Variants in NRXN3 observed in about 807,000 individuals in gnomAD.
The protein encoded by NRXN3 is neurexin 3.
In NRXN3, 32 loss-of-function variants were observed where a neutral mutation model predicts 137.6. The ratio of observed to expected loss-of-function variants is 0.23; its 90% CI spans 0.18 to 0.31. The LOEUF (loss-of-function observed/expected upper bound fraction) is 0.31. Ranked by LOEUF, NRXN3 falls within the 10% of genes least tolerant of loss-of-function variation. The pLI is 1.00. For missense variants in NRXN3, 1,574 were observed against 2,062.5 expected, an observed-to-expected ratio of 0.76 and a Z score of 4.59; for synonymous variants, 798 against 784.5, an observed-to-expected ratio of 1.02 and a Z score of -0.29.
intron 1 of NRXN3, among the ~76,000 whole-genome samples, chr14:78,216,576 A>G (rs1449112593): frequency 6.6e-6 from 1 of 152,168 alleles, no homozygotes; most frequent in Non-Finnish European, 1.5e-5. Context: ...GCTTGAGACA[A>G]TGTTTTCACT....
chr14:78,499,836 A>G (rs986932718), intron 4 of NRXN3, among the ~76,000 whole-genome samples: 2 of 152,116 alleles, frequency 1.3e-5, no homozygotes, highest in Admixed American at 6.6e-5. Context: ...GGGCTTTCCC[A>G]TCATGGCAGC....
intron 4 of NRXN3, among the ~76,000 whole-genome samples, chr14:78,381,111 A>C (rs993763259): frequency 2.6e-5 from 4 of 152,230 alleles, no homozygotes; most frequent in African/African-American, 9.6e-5. Context: ...CAAAAAAATG[A>C]ACCTCAACCT....
At chr14:78,689,426 T>C (rs1336502921) in intron 6 of NRXN3, among the ~76,000 whole-genome samples, 3 of 152,188 alleles carry the variant, frequency 2.0e-5, no homozygotes, top group Non-Finnish European at 2.9e-5. Context: ...TTCTTGTTAT[T>C]TGAGTACTTA....
chr14:79,114,272 G>A (rs189946297), intron 15 of NRXN3, among the ~76,000 whole-genome samples: 1 of 152,284 alleles, frequency 6.6e-6, no homozygotes, highest in East Asian at 1.9e-4. Context: ...TTATTCACAG[G>A]ACAAAGTATT....
intron 20 of NRXN3, among the ~76,000 whole-genome samples, chr14:79,845,588 CAG>C (rs112448242): frequency 0.012 from 1,622 of 130,446 alleles, 142 homozygotes; most frequent in African/African-American, 0.047. Flanking sequence ...CCCAGAGAGA[CAG>C]AGAGAGAGAG....
rs201249224 is a variant in NRXN3, at chr14:78,661,396, G to GT, written c.1221+10073dup. Among the ~76,000 whole-genome samples, 63 of 152,290 alleles carry GT rather than the reference G, an allele frequency of 4.1e-4. No individual in the cohort carries two copies. In the East Asian group the frequency reaches 9.3e-3, roughly 22 times the overall value. On this transcript the variant is annotated intron_variant, in intron 6 of 20. Transcript: ENST00000335750. ...TCTCATTAATAAGATGAGCAATAGGGTTTAGATGCAAGAGCTATCAAGCTA... is the reference window on the plus strand; with the variant it reads ...TCTCATTAATAAGATGAGCAATAGGGTTTTAGATGCAAGAGCTATCAAGCTA...
At chr14:79,126,819 C>A (rs1005683883) in intron 15 of NRXN3, among the ~76,000 whole-genome samples, 9 of 152,158 alleles carry the variant, frequency 5.9e-5, no homozygotes, top group Non-Finnish European at 1.2e-4. Flanking sequence ...TATTTCTCCA[C>A]ATCCTCTCCA....
At chr14:79,570,113 C>G (rs940967165) in intron 16 of NRXN3, among the ~76,000 whole-genome samples, 1 of 152,148 alleles carries the variant, frequency 6.6e-6, no homozygotes, top group Non-Finnish European at 1.5e-5. Context: ...TTTCTCTCCA[C>G]TCTCACTGTG....
At chr14:79,608,295 T>A (rs1310232058) in intron 16 of NRXN3, among the ~76,000 whole-genome samples, 4 of 152,136 alleles carry the variant, frequency 2.6e-5, no homozygotes, top group African/African-American at 9.7e-5. Flanking sequence ...AGCTTATGAT[T>A]TGTTTTATCT....
chr14:78,199,998 C>A (rs2153391570), intron 1 of NRXN3, among the ~76,000 whole-genome samples: 1 of 152,198 alleles, frequency 6.6e-6, no homozygotes, highest in African/African-American at 2.4e-5. Flanking sequence ...ATGGAGAAGA[C>A]CAAGGGTAAG....
intron 15 of NRXN3, among the ~76,000 whole-genome samples, chr14:79,165,602 T>C (rs549482079): frequency 6.6e-6 from 1 of 152,014 alleles, no homozygotes; most frequent in African/African-American, 2.4e-5. Context: ...ATGTCATGAT[T>C]TAGAATACTG....
chr14:79,633,925 C>T (rs2098381867), intron 16 of NRXN3, among the ~76,000 whole-genome samples: 1 of 152,142 alleles, frequency 6.6e-6, no homozygotes, highest in South Asian at 2.1e-4. Context: ...GCTCTGCCAT[C>T]TGACACTTTC....
intron 10 of NRXN3, among the ~76,000 whole-genome samples, chr14:78,926,984 T>TTA (rs1370420447): frequency 6.4e-5 from 3 of 46,892 alleles, no homozygotes; most frequent in Non-Finnish European, 1.0e-4. Context: ...TAATATATTT[T>TTA]TATATATATA....
At chr14:79,256,170 CTG>C (rs2076553118) in intron 15 of NRXN3, among the ~76,000 whole-genome samples, 1 of 148,186 alleles carries the variant, frequency 6.7e-6, no homozygotes, top group Non-Finnish European at 1.5e-5. Context: ...GTCTCTCTCT[CTG>C]TCTCTCTCTC....
At chr14:79,020,643 G>C (rs71414778) in intron 15 of NRXN3, among the ~76,000 whole-genome samples, 3,545 of 151,914 alleles carry the variant, frequency 0.023, 60 homozygotes, top group Non-Finnish European at 0.034. Context: ...TTGATTAGAG[G>C]GGTGGAAGTT....
chr14:79,298,656 A>C (rs1169661533), intron 15 of NRXN3: 6 of 152,100 alleles, frequency 3.9e-5, no homozygotes, highest in African/African-American at 1.4e-4. Context: ...CTTCTAGCGT[A>C]ATCACTGGGG....
chr14:79,338,694 T>C (rs1346371365), intron 15 of NRXN3, among the ~76,000 whole-genome samples: 1 of 152,226 alleles, frequency 6.6e-6, no homozygotes, highest in Non-Finnish European at 1.5e-5. Context: ...TATCACATAT[T>C]ATTAGAAATG....
At position 78,966,241 on chromosome 14, in the gene NRXN3, A is replaced by T. The variant is rs1005791497; in HGVS notation, c.2612A>T (p.Asp871Val). ...ARFGLRNIIA[D>V]PVTFKTKSSY... ...TTTGGACTGAGGAACATCATCGCTGACCCTGTCACCTTTAAGACCAAGAGC... is the reference window on the plus strand; with the variant it reads ...TTTGGACTGAGGAACATCATCGCTGTCCCTGTCACCTTTAAGACCAAGAGC... Residue 871 changes from aspartate to valine, a missense_variant, in exon 12 of 21, where the codon GAC becomes GTC. Coordinates refer to ENST00000335750, the MANE Select transcript of NRXN3 (RefSeq NM_001330195.2). 5 of 1,614,042 alleles carry T rather than the reference A, an allele frequency of 3.1e-6. No homozygotes were observed. In the African/African-American group the frequency reaches 5.3e-5, roughly 17 times the overall value.
At chr14:78,940,132 A>G (rs1269802656) in intron 10 of NRXN3, among the ~76,000 whole-genome samples, 5 of 152,106 alleles carry the variant, frequency 3.3e-5, no homozygotes, top group Non-Finnish European at 7.4e-5. Flanking sequence ...CTCTCATAAA[A>G]ATGCCCTCCA....
Sources: gnomAD v4.1 joint callset for allele counts (sites outside exome capture counted in the v4.1 genomes callset) on GRCh38, gnomAD v4.1.1 for gene constraint, MANE v1.5 for transcripts, NCBI Gene and HGNC (gene_info 2026-07-23, HGNC 2026-07-21) for gene names.